TACC1: variants seen among roughly 807,000 people sequenced by gnomAD.
The protein encoded by TACC1 is transforming acidic coiled-coil containing protein 1.
A neutral mutation model predicts 84.4 loss-of-function variants in TACC1; 48 were observed. The observed-to-expected ratio is 0.57, with a 90% CI of 0.45 to 0.72. TACC1 has a LOEUF of 0.72. Among genes scored for constraint, TACC1 ranks in the 30% least tolerant of loss-of-function variants. TACC1 has a pLI of 0.00. For missense variants in TACC1, 920 were observed against 973.0 expected (o/e 0.95, Z 0.72); for synonymous variants, 372 against 376.3 (o/e 0.99, Z 0.13).
At chr8:38,830,305 G>A (rs929610174) in intron 5 of TACC1, among the ~76,000 whole-genome samples, 14 of 151,904 alleles carry the variant, frequency 9.2e-5, no homozygotes, top group African/African-American at 3.1e-4. Flanking sequence ...ACTGAGTTTC[G>A]CTCTTGTTGC....
At chr8:38,772,290 G>A (rs1437496041) in intron 3 of TACC1, among the ~76,000 whole-genome samples, 3 of 152,192 alleles carry the variant, frequency 2.0e-5, no homozygotes, top group Non-Finnish European at 2.9e-5. Context: ...CCAGAGGGCA[G>A]TTTGGCTATG....
At chr8:38,799,192 C>G (rs543232674) in intron 2 of TACC1, among the ~76,000 whole-genome samples, 2 of 152,326 alleles carry the variant, frequency 1.3e-5, no homozygotes, top group Non-Finnish European at 2.9e-5. Flanking sequence ...GGAGTGGGAC[C>G]TTCAGGGCAA....
At chr8:38,811,173 T>G (rs1824024314) in intron 2 of TACC1, among the ~76,000 whole-genome samples, 1 of 150,938 alleles carries the variant, frequency 6.6e-6, no homozygotes, top group South Asian at 2.1e-4. Flanking sequence ...TTTTTTGAAA[T>G]GAAATATGGA....
intron 3 of TACC1, among the ~76,000 whole-genome samples, chr8:38,746,364 A>C (rs963417934): frequency 2.0e-5 from 3 of 152,046 alleles, no homozygotes; most frequent in Non-Finnish European, 4.4e-5. Flanking sequence ...CTTGGAGTGG[A>C]CTTCGTTATG....
At chr8:38,729,446 G>A (rs995593881) in intron 1 of TACC1, among the ~76,000 whole-genome samples, 1 of 152,234 alleles carries the variant, frequency 6.6e-6, no homozygotes, top group Non-Finnish European at 1.5e-5. Flanking sequence ...GGCCAGCCTT[G>A]GCAATACATG....
Position 38,843,281 on chromosome 8 carries a change from T to G in TACC1, c.2122-8T>G. ...ACCTGTTTATTTTCAATTTTTGCTT[T>G]GGAACAGAATGAAGAAGCCTTGAAG... On this transcript the variant is annotated splice_region_variant and splice_polypyrimidine_tract_variant and intron_variant, in intron 10 of 12. Transcript: ENST00000317827. 1.9e-6 allele frequency: 3 copies of G among 1,555,294 alleles called. No individual in the cohort carries two copies. Among genetic ancestry groups the G allele is most frequent in the Non-Finnish European group, 2.6e-6 (3 of 1,152,540 alleles).
Position 38,819,617 on chromosome 8 carries a change from C to G in TACC1, c.373C>G (p.Gln125Glu), listed in dbSNP as rs749561775. The G allele has an allele frequency of 1.2e-6, 2 of 1,614,244 alleles. No homozygotes were observed. The highest frequency in any genetic ancestry group is 1.7e-6 in the Non-Finnish European group (2 of 1,180,042). Residue 125 changes from glutamine to glutamate, a missense_variant, in exon 3 of 13, where the codon CAG becomes GAG. Around this residue, in one of 2 missense-constraint regions of TACC1, gnomAD observed 762 missense variants for 747.3 expected, o/e 1.02. Transcript: ENST00000317827. Reference sequence around the variant, plus strand: ...ACCTTCAGAAAATGAAGTGCCACAGCAGGCCATTGACTCTCACTCAGTCAA... The same window carrying G: ...ACCTTCAGAAAATGAAGTGCCACAGGAGGCCATTGACTCTCACTCAGTCAA... ...SKPSENEVPQ[Q>E]AIDSHSVKNF...
At chr8:38,761,864 G>T (rs1811267914) in intron 3 of TACC1, among the ~76,000 whole-genome samples, 1 of 152,132 alleles carries the variant, frequency 6.6e-6, no homozygotes, top group Non-Finnish European at 1.5e-5. Flanking sequence ...AAAGGTAAAA[G>T]AATTATAGTA....
At chr8:38,812,984 C>T (rs904048000) in intron 2 of TACC1, among the ~76,000 whole-genome samples, 1 of 152,148 alleles carries the variant, frequency 6.6e-6, no homozygotes, top group African/African-American at 2.4e-5. Context: ...AGGGAGCTGG[C>T]TTCTCTTTGC....
chr8:38,787,228 G>C (rs1817406091), upstream of TACC1: 1 of 1,003,870 alleles, frequency 1.0e-6, no homozygotes, highest in Non-Finnish European at 1.2e-6. Context: ...CCGCCGGCCG[G>C]GAGGCGGGAG....
chr8:38,826,966 C>G (rs1247714562), intron 4 of TACC1, among the ~76,000 whole-genome samples: 1 of 152,174 alleles, frequency 6.6e-6, no homozygotes, highest in African/African-American at 2.4e-5. Flanking sequence ...ACCTCAGACT[C>G]AAGTTACAGA....
At chr8:38,749,657 TCTC>T (rs1206574131) in intron 3 of TACC1, among the ~76,000 whole-genome samples, 2 of 152,124 alleles carry the variant, frequency 1.3e-5, no homozygotes, top group Admixed American at 1.3e-4. Context: ...AGTGGTGTGA[TCTC>T]AGCTCACTGT....
intron 9 of TACC1, 181 bp downstream of exon 9, chr8:38,840,448 C>T (rs940081302): frequency 2.5e-5 from 13 of 510,926 alleles, no homozygotes; most frequent in Admixed American, 1.4e-4. Context: ...GCCCATTCCT[C>T]ATAGAAGGGG....
chr8:38,733,664 T>C (rs1042686329), intron 1 of TACC1, among the ~76,000 whole-genome samples: 2 of 151,798 alleles, frequency 1.3e-5, no homozygotes, highest in Non-Finnish European at 2.9e-5. Flanking sequence ...AGGAAGCGGG[T>C]GTGATGTTCT....
chr8:38,767,051 A>G (rs1040053747), intron 3 of TACC1, among the ~76,000 whole-genome samples: 9 of 140,338 alleles, frequency 6.4e-5, no homozygotes, highest in African/African-American at 2.5e-4. Flanking sequence ...CACAGAGCCG[A>G]CAGAAGACCT....
Position 38,787,240 on chromosome 8 carries a change from C to A in TACC1, c.-343C>A. On this transcript the variant is annotated 5_prime_UTR_variant, in exon 1 of 13. Transcript: ENST00000317827. ...GCCCCGCCGGCCGGGAGGCGGGAGT[C>A]CGCGAGCCGGGAGCGGGAGCAGCAG... 9.9e-7 allele frequency: 1 copy of A among 1,014,460 alleles called. No individual in the cohort carries two copies. Among genetic ancestry groups the A allele is most frequent in the Non-Finnish European group, 1.2e-6 (1 of 849,612 alleles). The allele number at this position is 1,014,460 out of a possible 1,614,324, so 62.8% of individuals were successfully genotyped here. A position where few individuals can be genotyped will look rare whatever the true frequency, so the allele number is the denominator to read the frequency against.
intron 2 of TACC1, among the ~76,000 whole-genome samples, chr8:38,809,264 G>T (rs1823499693): frequency 6.6e-6 from 1 of 152,134 alleles, no homozygotes; most frequent in African/African-American, 2.4e-5. Flanking sequence ...AGGAGCATGT[G>T]GGGGTGAAGC....
intron 8 of TACC1, chr8:38,840,001 A>G (rs944604814): frequency 9.2e-6 from 3 of 327,468 alleles, no homozygotes; most frequent in Non-Finnish European, 1.7e-5. Context: ...TATAAGTTTG[A>G]CTAAAGATAA....
chr8:38,793,006 T>C (rs1819103602), intron 2 of TACC1, among the ~76,000 whole-genome samples: 1 of 152,122 alleles, frequency 6.6e-6, no homozygotes. Flanking sequence ...GAGTTTCTCC[T>C]TCACCAACAT....
Sources: gnomAD v4.1 joint callset for allele counts (sites outside exome capture counted in the v4.1 genomes callset) on GRCh38, gnomAD v4.1.1 for gene constraint, gnomAD v4.1.1 regional missense constraint, MANE v1.5 for transcripts, NCBI Gene and HGNC (gene_info 2026-07-23, HGNC 2026-07-21) for gene names.